The following RIBC2 variants were observed in gnomAD, a reference collection of about 807,000 sequenced individuals.
RIBC2 encodes RIB43A-like with coiled-coils protein 2.
Under a neutral mutation model 44.3 loss-of-function variants are expected in RIBC2, and 40 were observed. The observed-to-expected ratio is 0.90, with a 90% CI of 0.70 to 1.18. RIBC2 has a LOEUF of 1.18. RIBC2 is among the 50% of genes most tolerant of loss of function. The pLI is 0.00. For synonymous variants in RIBC2, 171 were observed against 175.0 expected, an observed-to-expected ratio of 0.98 and a Z score of 0.18; for missense variants, 459 against 485.5, an observed-to-expected ratio of 0.95 and a Z score of 0.51.
At position 45,427,902 on chromosome 22, in the gene RIBC2, C is replaced by T. The variant is rs962626478; in HGVS notation, c.903+1727C>T. Among the ~76,000 whole-genome samples the T allele has an allele frequency of 3.3e-5, 5 of 152,264 alleles. No homozygotes were observed. In the East Asian group the frequency reaches 5.8e-4, roughly 18 times the overall value. Reference sequence around the variant, plus strand: ...CACCCACCTCAGCCTCCCATAGTGCCGGGATTACAGGCGTGAGCCACCATG... The same window carrying T: ...CACCCACCTCAGCCTCCCATAGTGCTGGGATTACAGGCGTGAGCCACCATG... On this transcript the variant is annotated intron_variant, in intron 5 of 6. Coordinates refer to ENST00000614167, the MANE Select transcript of RIBC2 (RefSeq NM_015653.5).
At chr22:45,432,228 AAGAAT>A in intron 6 of RIBC2, 51 bp from the exon 7 acceptor site, 1 of 942,918 alleles carries the variant, frequency 1.1e-6, no homozygotes, top group Non-Finnish European at 1.6e-6. Flanking sequence ...AAAAAAAAGA[AAGAAT>A]AGGAAGTATA....
intron 6 of RIBC2, among the ~76,000 whole-genome samples, chr22:45,431,495 G>A (rs1286295011): frequency 1.3e-5 from 2 of 152,214 alleles, no homozygotes; most frequent in Non-Finnish European, 2.9e-5. Context: ...GCTACAAGAA[G>A]ATGTCAAATG....
chr22:45,430,594 G>A (rs1195901029), intron 5 of RIBC2, among the ~76,000 whole-genome samples: 3 of 152,198 alleles, frequency 2.0e-5, no homozygotes, highest in Non-Finnish European at 4.4e-5. Flanking sequence ...GGCCCAGCCT[G>A]CACCTGGGAG....
At chr22:45,418,027 A>G (rs2087443465) in intron 3 of RIBC2, 81 bp downstream of exon 3, 1 of 987,926 alleles carries the variant, frequency 1.0e-6, no homozygotes, top group Non-Finnish European at 1.4e-6. Flanking sequence ...TTTTTAAGCA[A>G]CCCTACAGTT....
chr22:45,430,550 G>C (rs1254742098), intron 5 of RIBC2, among the ~76,000 whole-genome samples: 1 of 152,202 alleles, frequency 6.6e-6, no homozygotes, highest in South Asian at 2.1e-4. Flanking sequence ...ACTGAGCCAG[G>C]GAGCCCCCTG....
At chr22:45,425,837 G>T in intron 4 of RIBC2, 111 bp from the exon 5 acceptor site, 1 of 898,432 alleles carries the variant, frequency 1.1e-6, no homozygotes, top group South Asian at 1.6e-5. Context: ...GACTCCTGCT[G>T]CCCTTAGCAT....
intron 3 of RIBC2, among the ~76,000 whole-genome samples, chr22:45,418,480 C>T (rs984541658): frequency 2.6e-5 from 4 of 152,140 alleles, no homozygotes; most frequent in Admixed American, 2.0e-4. Flanking sequence ...GCAGAAAGCC[C>T]CATGTGTCCT....
intron 2 of RIBC2, among the ~76,000 whole-genome samples, chr22:45,417,178 G>A (rs1324118641): frequency 6.6e-6 from 1 of 152,134 alleles, no homozygotes; most frequent in Non-Finnish European, 1.5e-5. Flanking sequence ...TGGGATTACA[G>A]GTGTGAGCCA....
At chr22:45,421,588 A>AGC (rs2087484879) in intron 3 of RIBC2, among the ~76,000 whole-genome samples, 1 of 38,696 alleles carries the variant, frequency 2.6e-5, no homozygotes, top group Admixed American at 2.8e-4. Flanking sequence ...TATTAATAAT[A>AGC]ATAATAGTAT....
Position 45,431,028 on chromosome 22 carries a change from C to G in RIBC2, c.1032C>G (p.Asp344Glu). 6.3e-7 allele frequency: 1 copy of G among 1,585,564 alleles called. No homozygotes were observed. ...AGCGCGACCTGCGCAGAGCTCTGGA[C>G]AGCAGCAACCTCAGCCTGGCCAAGG... ...RRQRDLRRALDSSNLSLAKEQ... is the reference protein window; with the variant it reads ...RRQRDLRRALESSNLSLAKEQ... Residue 344 changes from aspartate (D) to glutamate (E), a missense_variant, in exon 6 of 7, where the codon GAC (aspartate) becomes GAG (glutamate). Asp to Glu is a conservative substitution (Grantham distance 45). Transcript: ENST00000614167.
chr22:45,414,055 T>A (rs754290248), intron 1 of RIBC2, 40 bp downstream of exon 1: 1 of 1,548,186 alleles, frequency 6.5e-7, no homozygotes, highest in South Asian at 1.2e-5. Context: ...GAGCGGCAGA[T>A]GCGGGCGAGG....
rs1192451510 is a variant in RIBC2 at position 45,421,479 on chromosome 22, T to A, written c.557-811T>A. Among the ~76,000 whole-genome samples, 3 of 145,568 alleles carry A rather than the reference T, an allele frequency of 2.1e-5. No individual in the cohort carries two copies. In the Admixed American group the frequency reaches 2.1e-4, roughly 10 times the overall value. On this transcript the variant is annotated intron_variant, in intron 3 of 6. Coordinates refer to ENST00000614167, the MANE Select transcript of RIBC2 (RefSeq NM_015653.5). Reference sequence around the variant, plus strand: ...CTCTTGGATGTCTAATGCACTTGGATGTCTAATTAATTATTATTATTAATA... The same window carrying A: ...CTCTTGGATGTCTAATGCACTTGGAAGTCTAATTAATTATTATTATTAATA...
At chr22:45,414,120 A>AG in intron 1 of RIBC2, 105 bp downstream of exon 1, 2 of 1,496,722 alleles carry the variant, frequency 1.3e-6, no homozygotes, top group South Asian at 2.7e-5. Context: ...CTGAGCCAGG[A>AG]GGCAGCAAAC....
intron 3 of RIBC2, among the ~76,000 whole-genome samples, chr22:45,422,077 C>T (rs1165876112): frequency 6.6e-6 from 1 of 152,210 alleles, no homozygotes; most frequent in East Asian, 1.9e-4. Context: ...GGCACACCAC[C>T]AGCCTGTCCC....
intron 3 of RIBC2, among the ~76,000 whole-genome samples, chr22:45,421,166 G>T (rs181900563): frequency 6.6e-6 from 1 of 151,816 alleles, no homozygotes; most frequent in African/African-American, 2.4e-5. Flanking sequence ...GTGGTGGTGC[G>T]CGCCTGTAAT....
intron 6 of RIBC2, 89 bp from the exon 7 acceptor site, chr22:45,432,195 A>G: frequency 1.5e-6 from 1 of 683,916 alleles, no homozygotes; most frequent in South Asian, 2.0e-5. Flanking sequence ...ACTAATAAAA[A>G]GTTTGTGTGC....
intron 3 of RIBC2, among the ~76,000 whole-genome samples, chr22:45,418,789 C>T (rs1602112756): frequency 6.6e-6 from 1 of 152,080 alleles, no homozygotes; most frequent in East Asian, 1.9e-4. Flanking sequence ...CCCCAGTCTA[C>T]TCTCCATGAG....
chr22:45,428,476 G>A (rs921836096), intron 5 of RIBC2, among the ~76,000 whole-genome samples: 10 of 152,178 alleles, frequency 6.6e-5, no homozygotes, highest in Non-Finnish European at 8.8e-5. Context: ...TGCTGGAGCC[G>A]TGTCCCTGGG....
intron 3 of RIBC2, among the ~76,000 whole-genome samples, chr22:45,422,000 G>T (rs1050850698): frequency 1.9e-4 from 29 of 152,116 alleles, no homozygotes; most frequent in African/African-American, 6.7e-4. Context: ...TCATTTCTTG[G>T]GGCTGTAGAG....
Sources: allele counts gnomAD v4.1 joint callset (sites outside exome capture counted in the v4.1 genomes callset), GRCh38; gene constraint gnomAD v4.1.1; transcripts MANE v1.5; gene names NCBI Gene and HGNC (gene_info 2026-07-23, HGNC 2026-07-21).